SLC22A15: variants seen among roughly 807,000 people sequenced by gnomAD.
SLC22A15 encodes the protein flipt 1.
SLC22A15 carries 45 observed loss-of-function variants against 62.7 expected under a neutral mutation model. The observed-to-expected ratio is 0.72, with a 90% CI of 0.56 to 0.92. SLC22A15 has a LOEUF of 0.92. Ranked by LOEUF, SLC22A15 falls within the 40% of genes least tolerant of loss-of-function variation. SLC22A15 has a pLI of 0.00. For synonymous variants in SLC22A15, 264 were observed against 267.0 expected (o/e 0.99, Z 0.11); for missense variants, 622 against 665.6 (o/e 0.93, Z 0.72).
intron 8 of SLC22A15, among the ~76,000 whole-genome samples, chr1:116,044,285 C>A (rs1447561205): frequency 6.6e-6 from 1 of 152,182 alleles, no homozygotes; most frequent in East Asian, 1.9e-4. Context: ...CCCACAAATG[C>A]AAGGTTGGTT....
chr1:116,032,404 T>G, intron 6 of SLC22A15: 1 of 985,398 alleles, frequency 1.0e-6, no homozygotes, highest in African/African-American at 1.7e-5. Flanking sequence ...TAAAGGACAG[T>G]TGTGCTGTGG....
chr1:115,980,079 G>A (rs1401626158), intron 1 of SLC22A15, among the ~76,000 whole-genome samples: 1 of 151,814 alleles, frequency 6.6e-6, no homozygotes, highest in Non-Finnish European at 1.5e-5. Flanking sequence ...GCTTTTCTCA[G>A]CATTTTAGAA....
At chr1:116,019,927 A>G (rs931339037) in intron 3 of SLC22A15, among the ~76,000 whole-genome samples, 4 of 152,226 alleles carry the variant, frequency 2.6e-5, no homozygotes, top group Non-Finnish European at 5.9e-5. Flanking sequence ...TTAAAGTCAG[A>G]TATTTGTGTT....
intron 2 of SLC22A15, chr1:116,015,445 C>G (rs930933834): frequency 6.6e-6 from 1 of 152,322 alleles, no homozygotes; most frequent in South Asian, 2.1e-4. Flanking sequence ...ATCCCTTGGG[C>G]TACTTCTTCC....
At chr1:115,989,861 G>C (rs776489832) in intron 1 of SLC22A15, among the ~76,000 whole-genome samples, 18 of 152,038 alleles carry the variant, frequency 1.2e-4, no homozygotes, top group Non-Finnish European at 1.8e-4. Flanking sequence ...CATTATAAAG[G>C]CATGTGCTAT....
At chr1:116,020,616 T>A (rs2101325100) in intron 3 of SLC22A15, 105 bp from the exon 4 acceptor site, 9 of 984,280 alleles carry the variant, frequency 9.1e-6, no homozygotes, top group Non-Finnish European at 1.1e-5. Flanking sequence ...GCTCAGAAAA[T>A]TTAAGTTTAC....
chr1:116,064,671 T>G (rs1658456954), intron 10 of SLC22A15, among the ~76,000 whole-genome samples, 163 bp downstream of exon 10: 1 of 152,198 alleles, frequency 6.6e-6, no homozygotes, highest in East Asian at 1.9e-4. Flanking sequence ...AGATGGACTC[T>G]TATCGAGGAT....
intron 6 of SLC22A15, among the ~76,000 whole-genome samples, chr1:116,033,553 G>A: frequency 9.1e-6 from 1 of 109,424 alleles, no homozygotes; most frequent in East Asian, 2.9e-4. Context: ...AAATAGGGGT[G>A]TCTCTGTGTG....
At chr1:116,047,556 A>G (rs1258011987) in intron 8 of SLC22A15, among the ~76,000 whole-genome samples, 1 of 152,080 alleles carries the variant, frequency 6.6e-6, no homozygotes, top group African/African-American at 2.4e-5. Context: ...ACATCACAGG[A>G]CTCTATAGAG....
intron 5 of SLC22A15, among the ~76,000 whole-genome samples, chr1:116,031,063 T>C (rs1657371340): frequency 6.6e-6 from 1 of 152,180 alleles, no homozygotes; most frequent in African/African-American, 2.4e-5. Flanking sequence ...GAATAATATG[T>C]TAATATTTAA....
At chr1:116,039,614 A>G (rs1367987050) in intron 8 of SLC22A15, among the ~76,000 whole-genome samples, 1 of 152,122 alleles carries the variant, frequency 6.6e-6, no homozygotes, top group Admixed American at 6.5e-5. Context: ...TAATTTCTAT[A>G]ATTAATAACC....
rs1251331285 is a variant in SLC22A15 at position 116,067,317 on chromosome 1, TG to T, written c.*210del. Reference sequence around the variant, plus strand: ...AACATCACTGCATTGAGAGAATAGTTGTTAATTTGTTTAGAATTTAAGTTCT... The same window carrying T: ...AACATCACTGCATTGAGAGAATAGTTTTAATTTGTTTAGAATTTAAGTTCT... On this transcript the variant is annotated 3_prime_UTR_variant, in exon 12 of 12. Transcript: ENST00000369503. 8.9e-5 allele frequency: 47 copies of T among 531,014 alleles called. No homozygotes were observed. In the East Asian group the frequency reaches 9.5e-4, roughly 11 times the overall value. 32.9% of individuals were successfully genotyped at this position (531,014 alleles called of 1,614,324 possible). A position where few individuals can be genotyped will look rare whatever the true frequency, so the allele number is the denominator to read the frequency against.
chr1:116,062,414 A>G (rs1203736204), intron 8 of SLC22A15, among the ~76,000 whole-genome samples: 1 of 152,158 alleles, frequency 6.6e-6, no homozygotes. Context: ...AAGAGGGAAG[A>G]AAGGAGAGTC....
Position 116,069,675 on chromosome 1 carries a change from T to C in SLC22A15, c.*2567T>C, listed in dbSNP as rs1658573800. The stretch of plus-strand genomic sequence containing the variant: ...ACAGCCCAGTAAAACCAATACTTGT[T>C]ATTTGGCTACTTTCAAGCAATGCAG... On this transcript the variant is annotated 3_prime_UTR_variant, in exon 12 of 12. Transcript: ENST00000369503. 6.6e-6 allele frequency: 1 copy of C among 152,276 alleles called. No homozygotes were observed. Among genetic ancestry groups the C allele is most frequent in the African/African-American group, 2.4e-5 (1 of 41,572 alleles). The allele number at this position is 152,276 out of a possible 1,614,324, so 9.4% of individuals were successfully genotyped here. A position where few individuals can be genotyped will look rare whatever the true frequency, so the allele number is the denominator to read the frequency against.
intron 1 of SLC22A15, among the ~76,000 whole-genome samples, chr1:115,986,191 T>G (rs562843273): frequency 6.6e-6 from 1 of 151,056 alleles, no homozygotes; most frequent in Admixed American, 6.6e-5. Context: ...GAGTTACTAG[T>G]TTTTTTTTCA....
intron 1 of SLC22A15, among the ~76,000 whole-genome samples, chr1:115,986,992 G>T (rs549530052): frequency 6.6e-6 from 1 of 152,268 alleles, no homozygotes; most frequent in East Asian, 1.9e-4. Context: ...CATGTTAGGG[G>T]AATTGAATAG....
At chr1:116,010,659 C>A (rs1473305434) in intron 2 of SLC22A15, among the ~76,000 whole-genome samples, 1 of 152,152 alleles carries the variant, frequency 6.6e-6, no homozygotes, top group African/African-American at 2.4e-5. Context: ...ATTTTAAATA[C>A]AGGCCAGGGG....
intron 2 of SLC22A15, among the ~76,000 whole-genome samples, chr1:116,004,044 T>A (rs1655858890): frequency 6.6e-6 from 1 of 152,214 alleles, no homozygotes; most frequent in African/African-American, 2.4e-5. Context: ...ACCCCTCATT[T>A]ATCATGACTG....
At chr1:116,062,078 G>A (rs978815276) in intron 8 of SLC22A15, among the ~76,000 whole-genome samples, 1 of 152,050 alleles carries the variant, frequency 6.6e-6, no homozygotes, top group African/African-American at 2.4e-5. Flanking sequence ...GCGTAATGGT[G>A]GGTGCCTGTA....
Sources: allele counts gnomAD v4.1 joint callset (sites outside exome capture counted in the v4.1 genomes callset), GRCh38; gene constraint gnomAD v4.1.1; transcripts MANE v1.5; gene names NCBI Gene and HGNC (gene_info 2026-07-23, HGNC 2026-07-21).